PMPCB: variants seen among roughly 807,000 people sequenced by gnomAD.
The protein encoded by PMPCB is peptidase, mitochondrial processing subunit beta, also known as mitochondrial-processing peptidase subunit beta.
Under a neutral mutation model 61.5 loss-of-function variants are expected in PMPCB, and 46 were observed. That is an observed-to-expected ratio of 0.75 (90% CI 0.59 to 0.96). The LOEUF (loss-of-function observed/expected upper bound fraction) is 0.96, where lower values mean the gene tolerates loss of function less well. Among genes scored for constraint, PMPCB ranks in the 40% least tolerant of loss-of-function variants. The pLI is 0.00. For missense variants in PMPCB, 590 were observed against 602.4 expected, an observed-to-expected ratio of 0.98 and a Z score of 0.22; for synonymous variants, 191 against 201.6, an observed-to-expected ratio of 0.95 and a Z score of 0.44.
chr7:103,300,583 A>T (rs1225903591), intron 4 of PMPCB, among the ~76,000 whole-genome samples: 1 of 152,190 alleles, frequency 6.6e-6, no homozygotes, highest in East Asian at 1.9e-4. Flanking sequence ...GTTAGTTACC[A>T]TGTTTGTAGA....
intron 1 of PMPCB, chr7:103,297,919 C>G (rs1318122242): frequency 3.1e-6 from 4 of 1,281,824 alleles, no homozygotes; most frequent in Non-Finnish European, 4.0e-6. Context: ...ACTTCGTCCT[C>G]AGCTGGGCTT....
chr7:103,328,926 CT>C, intron 12 of PMPCB: 1 of 981,700 alleles, frequency 1.0e-6, no homozygotes, highest in Non-Finnish European at 1.4e-6. Context: ...ATTCTTTCTT[CT>C]TAGGATATAA....
chr7:103,323,011 C>T (rs902407259), intron 12 of PMPCB, among the ~76,000 whole-genome samples: 1 of 151,796 alleles, frequency 6.6e-6, no homozygotes, highest in Admixed American at 6.6e-5. Context: ...CTCATTGCAA[C>T]CTCTGCCTCC....
downstream of PMPCB, among the ~76,000 whole-genome samples, chr7:103,318,165 T>G (rs1221624767): frequency 6.6e-6 from 1 of 151,566 alleles, no homozygotes; most frequent in Non-Finnish European, 1.5e-5. Flanking sequence ...ATAACATTTT[T>G]TTTTTGTCTG....
chr7:103,300,007 C>A (rs568900922), intron 3 of PMPCB, among the ~76,000 whole-genome samples, 171 bp from the exon 4 acceptor site: 1 of 152,272 alleles, frequency 6.6e-6, no homozygotes, highest in South Asian at 2.1e-4. Flanking sequence ...CTCAGCTTCT[C>A]AAAGTGCTGG....
chr7:103,304,052 A>C lies in PMPCB; in HGVS notation c.656+12A>C. 1 of 1,576,562 alleles carries C rather than the reference A, an allele frequency of 6.3e-7. No individual in the cohort carries two copies. ...ACTGAAAATATCAAGTAGGTATAAC[A>C]GAATTTCTTGGTGTATAAGGGAATT... On this transcript the variant is annotated intron_variant, in intron 5 of 12. Transcript: ENST00000249269.
In PMPCB at chr7:103,313,909, C is replaced by A. The variant is rs1325830769; in HGVS notation, c.*1638C>A. On this transcript the variant is annotated 3_prime_UTR_variant, in exon 13 of 13. Transcript: ENST00000249269. The stretch of plus-strand genomic sequence containing the variant: ...GGCAATTTAGTTATTTCAGACTATG[C>A]AGTGACAACACAGACTAATACTACC... 1 of 985,262 alleles carries A rather than the reference C, an allele frequency of 1.0e-6. No homozygotes were observed. Among genetic ancestry groups the A allele is most frequent in the East Asian group, 1.1e-4 (1 of 8,822 alleles). The allele number at this position is 985,262 out of a possible 1,614,324, so 61.0% of individuals were successfully genotyped here.
At position 103,297,500 on chromosome 7, in the gene PMPCB, CGCG is replaced by C; in HGVS notation, c.50_52del (p.Arg17del). The C allele has an allele frequency of 1.3e-6, 2 of 1,576,402 alleles. No homozygotes were observed. The highest frequency in any genetic ancestry group is 1.7e-6 in the Non-Finnish European group (2 of 1,160,928). On this transcript the variant is annotated inframe_deletion, in exon 1 of 13. Coordinates refer to ENST00000249269, the MANE Select transcript of PMPCB (RefSeq NM_004279.3). Reference sequence around the variant, plus strand: ...GCTCGAGTGGTGTTGTCATCCGCGGCGCGGCGGCGGCTCTGGGGTTTCAGCGAG... The same window carrying C: ...GCTCGAGTGGTGTTGTCATCCGCGGCGCGGCGGCTCTGGGGTTTCAGCGAG...
At chr7:103,343,167 T>G in the PMPCB span, among the ~76,000 whole-genome samples, 1 of 151,956 alleles carries the variant, frequency 6.6e-6, no homozygotes, top group African/African-American at 2.4e-5. Context: ...GCCCAGCTAC[T>G]TTTTTGTATT....
At chr7:103,312,155 A>G (rs1817780389) in intron 12 of PMPCB, 24 bp downstream of exon 12, 1 of 1,613,918 alleles carries the variant, frequency 6.2e-7, no homozygotes, top group Non-Finnish European at 8.5e-7. Flanking sequence ...CTTTTCTTCT[A>G]TGCAAAAAGT....
intron 12 of PMPCB, chr7:103,321,809 C>T (rs556267919): frequency 3.6e-6 from 4 of 1,107,130 alleles, no homozygotes; most frequent in African/African-American, 3.2e-5. Flanking sequence ...GATCGCGCCA[C>T]TGCACTCCAG....
At chr7:103,298,376 C>T (rs528389623) in intron 1 of PMPCB, among the ~76,000 whole-genome samples, 192 bp from the exon 2 acceptor site, 1 of 152,276 alleles carries the variant, frequency 6.6e-6, no homozygotes, top group South Asian at 2.1e-4. Context: ...AAACACGTTG[C>T]TGGCTTTAGG....
At chr7:103,337,583 G>A in the PMPCB span, 1 of 590,410 alleles carries the variant, frequency 1.7e-6, no homozygotes, top group Non-Finnish European at 3.0e-6. Flanking sequence ...GAAGGCAGGG[G>A]AGACCGTGGT....
chr7:103,329,997 G>A (rs1489332425), downstream of PMPCB, among the ~76,000 whole-genome samples: 1 of 152,156 alleles, frequency 6.6e-6, no homozygotes, highest in Non-Finnish European at 1.5e-5. Context: ...TGGATTTTAG[G>A]TAATAGCATT....
chr7:103,299,366 A>T, intron 2 of PMPCB, 77 bp from the exon 3 acceptor site: 1 of 826,512 alleles, frequency 1.2e-6, no homozygotes, highest in Non-Finnish European at 1.9e-6. Flanking sequence ...CATTTGTCAG[A>T]AAAAGGAAGG....
rs146343535 is a variant in PMPCB, at chr7:103,303,985, G to C, written c.601G>C (p.Ala201Pro). ...EVVFDYLHAT[A>P]YQNTALGRTI... ...TGTTTTTGATTATCTTCATGCCACA[G>C]CTTATCAAAATACTGCACTTGGACG... is the stretch of plus-strand genomic sequence containing the variant. Residue 201 changes from alanine to proline, a missense_variant, in exon 5 of 13, where the codon GCT becomes CCT. By Grantham distance (27) the Ala-to-Pro change is conservative. Coordinates refer to ENST00000249269, the MANE Select transcript of PMPCB (RefSeq NM_004279.3). The C allele has an allele frequency of 7.7e-5, 124 of 1,613,882 alleles. No homozygotes were observed. The highest frequency in any genetic ancestry group is 9.9e-5 in the Non-Finnish European group (117 of 1,179,908).
downstream of PMPCB, among the ~76,000 whole-genome samples, chr7:103,329,964 TA>T (rs771638376): frequency 6.6e-6 from 1 of 152,136 alleles, no homozygotes; most frequent in Non-Finnish European, 1.5e-5. Context: ...GCATAAAAAA[TA>T]AAAAGCAGGC....
At chr7:103,301,428 A>T (rs1204842284) in intron 4 of PMPCB, among the ~76,000 whole-genome samples, 4 of 152,270 alleles carry the variant, frequency 2.6e-5, no homozygotes, top group Non-Finnish European at 5.9e-5. Flanking sequence ...GACCAAGAAC[A>T]TATGGCTAGG....
In PMPCB at chr7:103,297,501, G is replaced by C. The variant is rs1817314481; in HGVS notation, c.42G>C (p.Ala14=). ...AAARVVLSSA[A]RRRLWGFSES... is the part of the protein sequence containing the mutation. Reference sequence around the variant, plus strand: ...CTCGAGTGGTGTTGTCATCCGCGGCGCGGCGGCGGCTCTGGGGTTTCAGCG... The same window carrying C: ...CTCGAGTGGTGTTGTCATCCGCGGCCCGGCGGCGGCTCTGGGGTTTCAGCG... Residue 14 remains alanine (A), a synonymous_variant, in exon 1 of 13, where the codon GCG becomes GCC. Coordinates refer to ENST00000249269, the MANE Select transcript of PMPCB (RefSeq NM_004279.3). The C allele has an allele frequency of 6.3e-7, 1 of 1,576,266 alleles. No homozygotes were observed. Among genetic ancestry groups the C allele is most frequent in the Middle Eastern group, 1.9e-4 (1 of 5,210 alleles).
Sources: gnomAD v4.1 joint callset for allele counts (sites outside exome capture counted in the v4.1 genomes callset) on GRCh38, gnomAD v4.1.1 for gene constraint, MANE v1.5 for transcripts, NCBI Gene and HGNC (gene_info 2026-07-23, HGNC 2026-07-21) for gene names.